The following NDC1 variants were observed in gnomAD, a reference collection of about 807,000 sequenced individuals.
The protein encoded by NDC1 is nucleoporin NDC1.
A neutral mutation model predicts 89.8 loss-of-function variants in NDC1; 24 were observed. The ratio of observed to expected loss-of-function variants is 0.27; its 90% CI spans 0.19 to 0.38. The LOEUF is 0.38. NDC1 is among the 10% of genes least tolerant of loss of function. NDC1 has a pLI of 1.00. For synonymous variants in NDC1, 296 were observed against 284.8 expected, an observed-to-expected ratio of 1.04 and a Z score of -0.39; for missense variants, 728 against 797.6, an observed-to-expected ratio of 0.91 and a Z score of 1.05.
chr1:53,838,293 G>A lies in NDC1; in HGVS notation c.-32C>T, dbSNP rs1238845367. On this transcript the variant is annotated 5_prime_UTR_variant, in exon 1 of 18. Coordinates refer to ENST00000371429, the MANE Select transcript of NDC1 (RefSeq NM_018087.5). ...GGCGGCCCCTAGTCTAGGGCGTACAGGAGACCGTGCGCCCGCCCGCCACCG... is the reference window on the plus strand; with the variant it reads ...GGCGGCCCCTAGTCTAGGGCGTACAAGAGACCGTGCGCCCGCCCGCCACCG... 2 of 1,514,872 alleles carry A rather than the reference G, an allele frequency of 1.3e-6. No homozygotes were observed. The highest frequency in any genetic ancestry group is 2.5e-5 in the East Asian group (1 of 39,960). 93.8% of individuals were successfully genotyped at this position (1,514,872 alleles called of 1,614,324 possible). A position where few individuals can be genotyped will look rare whatever the true frequency, so the allele number is the denominator to read the frequency against.
At chr1:53,835,747 T>A (rs1649209734) in intron 1 of NDC1, 127 bp from the exon 2 acceptor site, 1 of 734,676 alleles carries the variant, frequency 1.4e-6, no homozygotes. Context: ...AAACATTCAC[T>A]ACTAGTAATA....
At chr1:53,781,984 T>C (rs1369416222) in intron 16 of NDC1, among the ~76,000 whole-genome samples, 2 of 152,132 alleles carry the variant, frequency 1.3e-5, no homozygotes, top group Admixed American at 6.5e-5. Flanking sequence ...ATGATGGGAA[T>C]AGAGGCGAGA....
At chr1:53,805,916 T>C (rs1003121139) in intron 9 of NDC1, among the ~76,000 whole-genome samples, 17 of 152,112 alleles carry the variant, frequency 1.1e-4, no homozygotes, top group African/African-American at 3.6e-4. Context: ...CTACTAAAAA[T>C]ACAAAAAATT....
intron 11 of NDC1, among the ~76,000 whole-genome samples, chr1:53,800,475 C>G (rs1394369644): frequency 6.6e-6 from 1 of 151,530 alleles, no homozygotes; most frequent in Admixed American, 6.6e-5. Context: ...TACAGGTGCA[C>G]GCCACCACGC....
chr1:53,787,133 C>A, intron 16 of NDC1, 25 bp downstream of exon 16: 3 of 1,353,338 alleles, frequency 2.2e-6, no homozygotes, highest in Non-Finnish European at 2.1e-6. Flanking sequence ...GACCTCTACC[C>A]CCTCCCAACC....
At position 53,825,781 on chromosome 1, in the gene NDC1, T is replaced by C; in HGVS notation, c.594+17A>G. On this transcript the variant is annotated intron_variant, in intron 5 of 17. Coordinates refer to ENST00000371429, the MANE Select transcript of NDC1 (RefSeq NM_018087.5). Reference sequence around the variant, plus strand: ...TCAGCCAAATTTTGACATCAAGTAATGCTCAAATGATCTTACCTGTATGAT... The same window carrying C: ...TCAGCCAAATTTTGACATCAAGTAACGCTCAAATGATCTTACCTGTATGAT... 1.3e-6 allele frequency: 2 copies of C among 1,558,948 alleles called. No homozygotes were observed. The highest frequency in any genetic ancestry group is 1.3e-5 in the South Asian group (1 of 79,378).
chr1:53,797,338 T>C (rs970410218), intron 11 of NDC1, among the ~76,000 whole-genome samples, 194 bp from the exon 12 acceptor site: 2 of 152,164 alleles, frequency 1.3e-5, no homozygotes, highest in Non-Finnish European at 1.5e-5. Context: ...AAGAGCTTTA[T>C]ACATCTTCTT....
At chr1:53,833,829 ATT>A (rs71579984) in intron 2 of NDC1, among the ~76,000 whole-genome samples, 1 of 146,254 alleles carries the variant, frequency 6.8e-6, no homozygotes, top group Non-Finnish European at 1.5e-5. Context: ...ATTGACCTAA[ATT>A]TTTTTTTTTT....
intron 5 of NDC1, 139 bp downstream of exon 5, chr1:53,825,659 T>C (rs979170368): frequency 1.7e-4 from 123 of 703,616 alleles, no homozygotes; most frequent in Non-Finnish European, 6.2e-5. Flanking sequence ...TCTCGCTAAA[T>C]GGCATTTTGA....
intron 16 of NDC1, among the ~76,000 whole-genome samples, chr1:53,778,295 ACT>A (rs1277524530): frequency 6.0e-5 from 9 of 149,270 alleles, no homozygotes; most frequent in East Asian, 5.9e-4. Context: ...ACACACACAC[ACT>A]GTCACATTTT....
intron 2 of NDC1, among the ~76,000 whole-genome samples, chr1:53,833,080 A>C (rs1000196524): frequency 3.9e-5 from 6 of 152,166 alleles, no homozygotes; most frequent in African/African-American, 1.4e-4. Context: ...AGGTACTTTA[A>C]AATTATACTA....
At chr1:53,801,288 A>C (rs895474247) in intron 10 of NDC1, among the ~76,000 whole-genome samples, 1 of 152,120 alleles carries the variant, frequency 6.6e-6, no homozygotes, top group African/African-American at 2.4e-5. Context: ...AGTGACCTCT[A>C]AACTTTTGCG....
At chr1:53,806,042 C>G (rs926317385) in intron 9 of NDC1, among the ~76,000 whole-genome samples, 1 of 152,022 alleles carries the variant, frequency 6.6e-6, no homozygotes, top group African/African-American at 2.4e-5. Flanking sequence ...CCACTGCACT[C>G]CAGCCTGGGC....
chr1:53,835,081 CA>C (rs1314800749), intron 2 of NDC1, among the ~76,000 whole-genome samples: 3 of 151,764 alleles, frequency 2.0e-5, no homozygotes, highest in Non-Finnish European at 4.4e-5. Flanking sequence ...GACTCTGTTT[CA>C]AAAAAAGAAA....
At chr1:53,818,639 C>T (rs142287754) in intron 6 of NDC1, among the ~76,000 whole-genome samples, 39 of 152,260 alleles carry the variant, frequency 2.6e-4, no homozygotes, top group African/African-American at 9.1e-4. Context: ...ATTTTAGATA[C>T]CTCATATAAG....
At chr1:53,772,259 T>G (rs1647119981) in intron 17 of NDC1, 70 bp downstream of exon 17, 4 of 1,385,432 alleles carry the variant, frequency 2.9e-6, no homozygotes, top group South Asian at 1.2e-5. Context: ...AGCCTTATCA[T>G]TCCCATACCT....
chr1:53,775,964 T>A (rs890235372), intron 16 of NDC1, among the ~76,000 whole-genome samples: 2 of 151,416 alleles, frequency 1.3e-5, no homozygotes, highest in Admixed American at 6.6e-5. Context: ...CCTTTTTTTT[T>A]TTTTTTTTGA....
chr1:53,808,133 A>C (rs1161505493), intron 7 of NDC1, among the ~76,000 whole-genome samples: 1 of 152,166 alleles, frequency 6.6e-6, no homozygotes, highest in East Asian at 1.9e-4. Context: ...ATACCTCAAA[A>C]CCATTAAACA....
At chr1:53,797,958 C>T (rs1424208326) in intron 11 of NDC1, among the ~76,000 whole-genome samples, 1 of 151,960 alleles carries the variant, frequency 6.6e-6, no homozygotes, top group African/African-American at 2.4e-5. Context: ...AAAAGTCACA[C>T]CAAAGGCTAA....
Sources: gnomAD v4.1 joint callset for allele counts (sites outside exome capture counted in the v4.1 genomes callset) on GRCh38, gnomAD v4.1.1 for gene constraint, MANE v1.5 for transcripts, NCBI Gene and HGNC (gene_info 2026-07-23, HGNC 2026-07-21) for gene names.